Variants in FBXO11 observed in about 807,000 individuals in gnomAD.
The protein encoded by FBXO11 is F-box protein 11, also known as F-box only protein 11.
FBXO11 carries 13 observed loss-of-function variants against 117.0 expected under a neutral mutation model. The ratio of observed to expected loss-of-function variants is 0.11; its 90% CI spans 0.07 to 0.18. The LOEUF is 0.18. Among genes scored for constraint, FBXO11 ranks in the 10% least tolerant of loss-of-function variants. The probability of loss-of-function intolerance (pLI) is 1.00; values close to 1 mark genes in which losing one functional copy is unlikely to be tolerated. For synonymous variants in FBXO11, 490 were observed against 380.5 expected (o/e 1.29, Z -3.35); for missense variants, 767 against 1,164.4 (o/e 0.66, Z 4.97).
At chr2:47,811,088 G>C (rs552103719) in intron 18 of FBXO11, 5 of 152,250 alleles carry the variant, frequency 3.3e-5, no homozygotes, top group African/African-American at 1.2e-4. Context: ...TGGATGAGTG[G>C]GAAAAATCTG....
At chr2:47,842,247 C>G (rs1356101866) in intron 1 of FBXO11, among the ~76,000 whole-genome samples, 1 of 152,000 alleles carries the variant, frequency 6.6e-6, no homozygotes, top group Non-Finnish European at 1.5e-5. Context: ...ATCTCTTGAC[C>G]TCGTGATCTG....
chr2:47,842,566 T>C (rs1201257493), intron 1 of FBXO11, among the ~76,000 whole-genome samples: 1 of 152,028 alleles, frequency 6.6e-6, no homozygotes, highest in Admixed American at 6.6e-5. Flanking sequence ...GGGTGTAAAT[T>C]AACATTTTTA....
Position 47,812,866 on chromosome 2 carries a change from G to A in FBXO11, c.2227+368C>T, listed in dbSNP as rs186932310. On this transcript the variant is annotated intron_variant, in intron 18 of 22. Coordinates refer to ENST00000403359, the MANE Select transcript of FBXO11 (RefSeq NM_001190274.2). ...GAAAACAGTTACAAAAGCAATACCCGTTTACTAAAGACATTTTCAGATATT... is the reference window on the plus strand; with the variant it reads ...GAAAACAGTTACAAAAGCAATACCCATTTACTAAAGACATTTTCAGATATT... The A allele has an allele frequency of 5.3e-4, 132 of 249,414 alleles. 1 individual carries two copies. Among genetic ancestry groups the A allele is most frequent in the African/African-American group, 2.8e-3 (119 of 43,054 alleles). The allele number at this position is 249,414 out of a possible 1,614,324, so 15.5% of individuals were successfully genotyped here. A position where few individuals can be genotyped will look rare whatever the true frequency, so the allele number is the denominator to read the frequency against.
chr2:47,905,011 G>C (rs1287543171), intron 1 of FBXO11: 1 of 152,304 alleles, frequency 6.6e-6, no homozygotes, highest in Non-Finnish European at 1.5e-5. Flanking sequence ...GGAAGGGGTA[G>C]GCTAACACAG....
intron 1 of FBXO11, among the ~76,000 whole-genome samples, chr2:47,877,059 G>A (rs1369962510): frequency 6.7e-6 from 1 of 150,036 alleles, no homozygotes; most frequent in Non-Finnish European, 1.5e-5. Flanking sequence ...TTTTTTGAGA[G>A]GGTCTTGCTC....
chr2:47,891,010 G>A (rs940129580), intron 1 of FBXO11, among the ~76,000 whole-genome samples: 1 of 150,468 alleles, frequency 6.6e-6, no homozygotes, highest in Non-Finnish European at 1.5e-5. Flanking sequence ...TTTTTGTAGA[G>A]ATGGAGTCTC....
chr2:47,890,187 G>C (rs1677156718), intron 1 of FBXO11, among the ~76,000 whole-genome samples: 1 of 151,968 alleles, frequency 6.6e-6, no homozygotes, highest in Non-Finnish European at 1.5e-5. Context: ...GGCTGGTCTT[G>C]CACTCTTGGT....
intron 1 of FBXO11, among the ~76,000 whole-genome samples, chr2:47,870,896 ACT>A (rs1435537736): frequency 6.6e-6 from 1 of 152,176 alleles, no homozygotes; most frequent in African/African-American, 2.4e-5. Context: ...TCTTACAAAT[ACT>A]CTGAGATGTC....
chr2:47,817,946 G>C (rs1440307152), intron 16 of FBXO11, among the ~76,000 whole-genome samples: 1 of 152,168 alleles, frequency 6.6e-6, no homozygotes, highest in Non-Finnish European at 1.5e-5. Context: ...TCAGGAGTTT[G>C]AGACCAGCCT....
intron 1 of FBXO11, among the ~76,000 whole-genome samples, chr2:47,875,869 G>C (rs1403441926): frequency 5.3e-5 from 8 of 152,104 alleles, no homozygotes; most frequent in Non-Finnish European, 1.2e-4. Flanking sequence ...TGGTCTGGAA[G>C]ACATCTATTT....
chr2:47,871,492 T>C (rs971992000), intron 1 of FBXO11, among the ~76,000 whole-genome samples: 9 of 152,180 alleles, frequency 5.9e-5, no homozygotes, highest in Admixed American at 5.9e-4. Flanking sequence ...AATGCATTCA[T>C]TCAGTTTTCT....
intron 1 of FBXO11, among the ~76,000 whole-genome samples, chr2:47,895,817 C>T (rs1297712327): frequency 1.3e-5 from 2 of 151,976 alleles, no homozygotes; most frequent in African/African-American, 4.8e-5. Context: ...CTCAGCCTCC[C>T]GAGTAGCTGG....
At chr2:47,869,366 G>C (rs1448767587) in intron 1 of FBXO11, among the ~76,000 whole-genome samples, 1 of 152,206 alleles carries the variant, frequency 6.6e-6, no homozygotes, top group Admixed American at 6.5e-5. Context: ...TGGCAAAGAA[G>C]GGTGTTATTG....
intron 1 of FBXO11, among the ~76,000 whole-genome samples, chr2:47,884,269 CT>C (rs1049613932): frequency 6.6e-6 from 1 of 152,102 alleles, no homozygotes; most frequent in African/African-American, 2.4e-5. Context: ...AAGCTGGTTC[CT>C]GTACATGTGG....
intron 11 of FBXO11, among the ~76,000 whole-genome samples, chr2:47,828,344 C>G (rs76879777): frequency 0.078 from 11,907 of 152,178 alleles, 593 homozygotes; most frequent in Non-Finnish European, 0.11. Context: ...TGAAGTAAAA[C>G]ATTCTTTATT....
chr2:47,864,048 T>G (rs886495558), intron 1 of FBXO11, among the ~76,000 whole-genome samples: 2 of 152,162 alleles, frequency 1.3e-5, no homozygotes, highest in African/African-American at 4.8e-5. Flanking sequence ...ATACGGCATA[T>G]GTGCTGGAAT....
intron 1 of FBXO11, among the ~76,000 whole-genome samples, chr2:47,869,309 A>G (rs1162097300): frequency 6.6e-6 from 1 of 152,218 alleles, no homozygotes; most frequent in African/African-American, 2.4e-5. Context: ...ACTGGAAGTT[A>G]AGACTGCCAC....
chr2:47,882,826 C>CT (rs1236515884), intron 1 of FBXO11, among the ~76,000 whole-genome samples: 1 of 151,956 alleles, frequency 6.6e-6, no homozygotes, highest in African/African-American at 2.4e-5. Context: ...TAATTTTGTA[C>CT]TTTTTTAGAG....
chr2:47,903,039 T>C (rs1678418475), intron 1 of FBXO11, among the ~76,000 whole-genome samples: 4 of 152,146 alleles, frequency 2.6e-5, no homozygotes, highest in Admixed American at 2.0e-4. Flanking sequence ...CTTTCCAAAC[T>C]AGAAAGTGAC....
Sources: gnomAD v4.1 joint callset for allele counts (sites outside exome capture counted in the v4.1 genomes callset) on GRCh38, gnomAD v4.1.1 for gene constraint, MANE v1.5 for transcripts, NCBI Gene and HGNC (gene_info 2026-07-23, HGNC 2026-07-21) for gene names.